BIVM: variants seen among roughly 807,000 people sequenced by gnomAD.
BIVM encodes basic, immunoglobulin-like variable motif containing, also known as basic immunoglobulin-like variable motif-containing protein.
Under a neutral mutation model 61.4 loss-of-function variants are expected in BIVM, and 31 were observed. The observed-to-expected ratio is 0.51, with a 90% CI of 0.38 to 0.68. The LOEUF (loss-of-function observed/expected upper bound fraction) is 0.68. Ranked by LOEUF, BIVM falls within the 30% of genes least tolerant of loss-of-function variation. The pLI is 0.00. For missense variants in BIVM, 526 were observed against 596.0 expected (o/e 0.88, Z 1.22); for synonymous variants, 189 against 210.7 (o/e 0.90, Z 0.89).
At chr13:102,816,379 G>T in intron 3 of BIVM, 49 bp from the exon 4 acceptor site, 1 of 1,467,092 alleles carries the variant, frequency 6.8e-7, no homozygotes, top group Non-Finnish European at 9.0e-7. Context: ...TGTCATTTCA[G>T]TTTACTTCAT....
At chr13:102,805,119 A>G (rs1878976259) in intron 1 of BIVM, among the ~76,000 whole-genome samples, 188 bp from the exon 2 acceptor site, 1 of 152,216 alleles carries the variant, frequency 6.6e-6, no homozygotes, top group Non-Finnish European at 1.5e-5. Flanking sequence ...GGTGGACTGA[A>G]TCTCTCAACT....
At chr13:102,816,605 T>C (rs1187373355) in intron 4 of BIVM, 51 bp downstream of exon 4, 5 of 1,447,324 alleles carry the variant, frequency 3.5e-6, no homozygotes, top group Non-Finnish European at 4.6e-6. Flanking sequence ...GTAATATATG[T>C]TGGCAATAAC....
rs2018836 is a variant in BIVM, at chr13:102,840,830, A to G, written c.*965A>G. 0.68 allele frequency: 102,613 copies of G among 151,986 alleles called. 34,631 individuals carry two copies. Among genetic ancestry groups the G allele is most frequent in the Middle Eastern group, 0.71 (209 of 294 alleles). 9.4% of individuals were successfully genotyped at this position (151,986 alleles called of 1,614,324 possible). A position where few individuals can be genotyped will look rare whatever the true frequency, so the allele number is the denominator to read the frequency against. On this transcript the variant is annotated 3_prime_UTR_variant, in exon 11 of 11. Transcript: ENST00000257336. Reference sequence around the variant, plus strand: ...CCTTAGGTCTCGAAAGACTTTTATAAGTCTAGATGACGTTTGCCTTAGGGG... The same window carrying G: ...CCTTAGGTCTCGAAAGACTTTTATAGGTCTAGATGACGTTTGCCTTAGGGG...
At chr13:102,808,529 T>C (rs954877550) in intron 3 of BIVM, among the ~76,000 whole-genome samples, 1 of 152,158 alleles carries the variant, frequency 6.6e-6, no homozygotes, top group Non-Finnish European at 1.5e-5. Flanking sequence ...AAAATCAATT[T>C]GTTTCATAGA....
At position 102,807,246 on chromosome 13, in the gene BIVM, A is replaced by G; in HGVS notation, c.-22A>G. 6.4e-7 allele frequency: 1 copy of G among 1,556,836 alleles called. No homozygotes were observed. The highest frequency in any genetic ancestry group is 8.7e-7 in the Non-Finnish European group (1 of 1,151,730). On this transcript the variant is annotated 5_prime_UTR_variant, in exon 3 of 11. In the 5' UTR this introduces an upstream ATG that the reference lacks. Coordinates refer to ENST00000257336, the MANE Select transcript of BIVM (RefSeq NM_017693.4). This position sits in a 1 kb window ranked among gnomAD's most constrained non-coding sequence, Gnocchi z 4.0. ...AGAGTTGCAACTTGTTTCTAGTAAT[A>G]GAAACTTTTACACTGCATTCAATGC...
At chr13:102,809,713 C>T (rs1295960662) in intron 3 of BIVM, among the ~76,000 whole-genome samples, 1 of 152,044 alleles carries the variant, frequency 6.6e-6, no homozygotes, top group East Asian at 1.9e-4. Context: ...AGTTTAGTGG[C>T]ATTAAGTACA....
rs1271338231 is a variant in BIVM, at chr13:102,840,104, C to G, written c.*239C>G. 8.1e-6 allele frequency: 3 copies of G among 369,974 alleles called. No homozygotes were observed. The highest frequency in any genetic ancestry group is 2.1e-5 in the African/African-American group (1 of 47,974). The allele number at this position is 369,974 out of a possible 1,614,324, so 22.9% of individuals were successfully genotyped here. A position where few individuals can be genotyped will look rare whatever the true frequency, so the allele number is the denominator to read the frequency against. On this transcript the variant is annotated 3_prime_UTR_variant, in exon 11 of 11. Coordinates refer to ENST00000257336, the MANE Select transcript of BIVM (RefSeq NM_017693.4). The stretch of plus-strand genomic sequence containing the variant: ...TCAAGTTAAGAGTATATAATCTGGA[C>G]AGAAAATTTCACAAAATTCAATAAA...
chr13:102,826,172 T>C (rs1308645613), intron 7 of BIVM, among the ~76,000 whole-genome samples: 1 of 152,210 alleles, frequency 6.6e-6, no homozygotes, highest in Non-Finnish European at 1.5e-5. Flanking sequence ...TCTCTTGTGA[T>C]GTGGAAAGGA....
intron 3 of BIVM, among the ~76,000 whole-genome samples, chr13:102,814,069 T>TTG (rs916164981): frequency 1.3e-5 from 2 of 151,988 alleles, no homozygotes; most frequent in African/African-American, 4.8e-5. Flanking sequence ...ATACATATAT[T>TTG]TGTGTGTGTA....
intron 1 of BIVM, among the ~76,000 whole-genome samples, 195 bp from the exon 2 acceptor site, chr13:102,805,112 G>A (rs1878975818): frequency 6.6e-6 from 1 of 152,196 alleles, no homozygotes; most frequent in Admixed American, 6.5e-5. Flanking sequence ...CACCCAGGGT[G>A]GACTGAATCT....
intron 1 of BIVM, chr13:102,801,686 C>T (rs1266516634): frequency 6.6e-6 from 1 of 152,186 alleles, no homozygotes; most frequent in African/African-American, 2.4e-5. Flanking sequence ...GTCTACAAAT[C>T]CTAGGCCCTG....
intron 1 of BIVM, among the ~76,000 whole-genome samples, chr13:102,802,718 C>G (rs1189227222): frequency 2.7e-5 from 4 of 150,918 alleles, no homozygotes; most frequent in Non-Finnish European, 4.4e-5. Flanking sequence ...CACAAACAAA[C>G]CAGACTGTTA....
chr13:102,841,271 C>G lies in BIVM; in HGVS notation c.*1406C>G, dbSNP rs142159917. ...GTGCTGAATGTGTTGGTAACCATAT[C>G]GCAATACACCTCAAGGAAAAGGTTC... On this transcript the variant is annotated 3_prime_UTR_variant, in exon 11 of 11. Coordinates refer to ENST00000257336, the MANE Select transcript of BIVM (RefSeq NM_017693.4). The G allele has an allele frequency of 5.9e-5, 9 of 152,472 alleles. No individual in the cohort carries two copies. Among genetic ancestry groups the G allele is most frequent in the African/African-American group, 1.7e-4 (7 of 41,388 alleles). The allele number at this position is 152,472 out of a possible 1,614,324, so 9.4% of individuals were successfully genotyped here.
intron 7 of BIVM, among the ~76,000 whole-genome samples, chr13:102,827,532 C>T (rs9557938): frequency 0.25 from 37,383 of 151,830 alleles, 4,763 homozygotes; most frequent in East Asian, 0.43. Context: ...AATCTGCGTA[C>T]GCCTCCTGGA....
chr13:102,817,634 A>G (rs1879955742), intron 4 of BIVM, among the ~76,000 whole-genome samples: 1 of 152,080 alleles, frequency 6.6e-6, no homozygotes, highest in South Asian at 2.1e-4. Context: ...AAACCCATTG[A>G]TGATCCTTGT....
chr13:102,833,695 G>C (rs1373846936), intron 8 of BIVM, among the ~76,000 whole-genome samples: 1 of 152,220 alleles, frequency 6.6e-6, no homozygotes, highest in Non-Finnish European at 1.5e-5. Flanking sequence ...GTTTGGGGAA[G>C]AGAGGGATTC....
At chr13:102,832,985 G>A (rs1396326533) in intron 8 of BIVM, among the ~76,000 whole-genome samples, 1 of 152,060 alleles carries the variant, frequency 6.6e-6, no homozygotes, top group Non-Finnish European at 1.5e-5. Context: ...AGAATTGGTG[G>A]GTGGGGTGCA....
At chr13:102,838,571 A>G (rs1471034175) in intron 9 of BIVM, 72 bp from the exon 10 acceptor site, 20 of 1,319,588 alleles carry the variant, frequency 1.5e-5, no homozygotes, top group Middle Eastern at 1.9e-4. Context: ...CAACTTGCTC[A>G]TGAAAAATTC....
At chr13:102,821,209 T>A in intron 5 of BIVM, 77 bp downstream of exon 5, 1 of 1,268,074 alleles carries the variant, frequency 7.9e-7, no homozygotes, top group Non-Finnish European at 1.1e-6. Flanking sequence ...GAAAAAAATT[T>A]AAGAATAGAT....
Sources: allele counts gnomAD v4.1 joint callset (sites outside exome capture counted in the v4.1 genomes callset), GRCh38; gene constraint gnomAD v4.1.1; non-coding constraint Gnocchi (gnomAD v3.1); transcripts MANE v1.5; gene names NCBI Gene and HGNC (gene_info 2026-07-23, HGNC 2026-07-21).